Variants in EXOC6B observed in about 807,000 individuals in gnomAD.
EXOC6B encodes SEC15 homolog B.
EXOC6B carries 54 observed loss-of-function variants against 113.5 expected under a neutral mutation model. The ratio of observed to expected loss-of-function variants is 0.48; its 90% CI spans 0.38 to 0.60. The LOEUF is 0.60. Among genes scored for constraint, EXOC6B ranks in the 20% least tolerant of loss-of-function variants. The pLI, the probability that EXOC6B is intolerant of heterozygous loss-of-function variation, is 0.00. For synonymous variants in EXOC6B, 357 were observed against 339.0 expected (o/e 1.05, Z -0.58); for missense variants, 797 against 977.5 (o/e 0.82, Z 2.46).
chr2:72,543,590 C>T (rs1344014639), intron 8 of EXOC6B, among the ~76,000 whole-genome samples: 2 of 152,086 alleles, frequency 1.3e-5, no homozygotes, highest in African/African-American at 4.8e-5. Context: ...TATGTATGCC[C>T]ATGGGTAATA....
intron 1 of EXOC6B, among the ~76,000 whole-genome samples, chr2:72,787,289 G>C (rs1684429750): frequency 6.6e-6 from 1 of 151,758 alleles, no homozygotes; most frequent in Non-Finnish European, 1.5e-5. Flanking sequence ...TCGGCTCACT[G>C]CAACCTCCGC....
intron 8 of EXOC6B, among the ~76,000 whole-genome samples, chr2:72,542,353 G>C (rs1702652676): frequency 6.6e-6 from 1 of 152,124 alleles, no homozygotes; most frequent in Admixed American, 6.6e-5. Context: ...CGAAGAGACT[G>C]AGCTTCTAGT....
chr2:72,236,303 G>A (rs1681955324), intron 20 of EXOC6B, among the ~76,000 whole-genome samples: 2 of 152,286 alleles, frequency 1.3e-5, no homozygotes, highest in Middle Eastern at 3.4e-3. Context: ...TACACAAGAC[G>A]AGATTAAATG....
intron 1 of EXOC6B, among the ~76,000 whole-genome samples, chr2:72,814,423 C>A (rs570263973): frequency 6.6e-6 from 1 of 152,234 alleles, no homozygotes; most frequent in Admixed American, 6.5e-5. Flanking sequence ...TAAATTCATG[C>A]AAGTTCAAAG....
At chr2:72,535,693 A>G (rs1235611368) in intron 8 of EXOC6B, among the ~76,000 whole-genome samples, 4 of 151,820 alleles carry the variant, frequency 2.6e-5, no homozygotes, top group South Asian at 2.1e-4. Flanking sequence ...ACCAACATAG[A>G]GAAACCCCCA....
intron 18 of EXOC6B, among the ~76,000 whole-genome samples, chr2:72,437,278 C>T (rs1265169731): frequency 6.6e-6 from 1 of 152,196 alleles, no homozygotes; most frequent in African/African-American, 2.4e-5. Context: ...AAGCTTTGTC[C>T]CAGAGGGGCA....
chr2:72,667,110 G>A (rs983168993), intron 6 of EXOC6B, among the ~76,000 whole-genome samples: 6 of 152,032 alleles, frequency 3.9e-5, no homozygotes, highest in South Asian at 2.1e-4. Context: ...AGATCCACCC[G>A]CCTTTGTCTC....
intron 20 of EXOC6B, among the ~76,000 whole-genome samples, chr2:72,208,234 T>C (rs530343768): frequency 1.2e-4 from 18 of 151,782 alleles, no homozygotes; most frequent in Non-Finnish European, 2.5e-4. Context: ...CATGTTTCCC[T>C]CCCTCCCTTC....
chr2:72,642,283 C>A (rs1673310004), intron 6 of EXOC6B, among the ~76,000 whole-genome samples: 1 of 144,070 alleles, frequency 6.9e-6, no homozygotes, highest in South Asian at 2.3e-4. Flanking sequence ...CATATGGAAC[C>A]AAAAAAGAGC....
intron 6 of EXOC6B, among the ~76,000 whole-genome samples, chr2:72,596,335 T>A (rs1670077076): frequency 6.6e-6 from 1 of 152,120 alleles, no homozygotes; most frequent in Non-Finnish European, 1.5e-5. Context: ...CCCTGGTGCC[T>A]ACCCAGTAAC....
intron 18 of EXOC6B, among the ~76,000 whole-genome samples, chr2:72,443,194 G>GC (rs1696329285): frequency 2.6e-5 from 4 of 151,636 alleles, no homozygotes; most frequent in Admixed American, 2.6e-4. Context: ...GCGTGGTGGC[G>GC]CACCTGTAGT....
At chr2:72,599,535 G>A (rs1670279482) in intron 6 of EXOC6B, among the ~76,000 whole-genome samples, 1 of 152,014 alleles carries the variant, frequency 6.6e-6, no homozygotes, top group Non-Finnish European at 1.5e-5. Context: ...CATCATATTG[G>A]ATGTCCTAGC....
chr2:72,507,132 T>C (rs1190578915), intron 11 of EXOC6B, among the ~76,000 whole-genome samples: 1 of 152,148 alleles, frequency 6.6e-6, no homozygotes, highest in Non-Finnish European at 1.5e-5. Context: ...TAAAGAGTAA[T>C]TTTAAACAGC....
chr2:72,178,440 T>C lies in EXOC6B; in HGVS notation c.*895A>G, dbSNP rs1258054435. 1 of 152,262 alleles carries C rather than the reference T, an allele frequency of 6.6e-6. No individual in the cohort carries two copies. The highest frequency in any genetic ancestry group is 1.5e-5 in the Non-Finnish European group (1 of 68,054). 9.4% of individuals were successfully genotyped at this position (152,262 alleles called of 1,614,324 possible). On this transcript the variant is annotated 3_prime_UTR_variant, in exon 22 of 22. Coordinates refer to ENST00000272427, the MANE Select transcript of EXOC6B (RefSeq NM_015189.3). ...TTTCAATGGCATTACTGGAGGAGGC[T>C]AAGTCTGAAACGCCCTGTGAAGGCC...
At chr2:72,264,114 G>A (rs759295344) in intron 20 of EXOC6B, among the ~76,000 whole-genome samples, 19 of 152,176 alleles carry the variant, frequency 1.2e-4, no homozygotes, top group Non-Finnish European at 2.2e-4. Context: ...GTCATATACT[G>A]TATGCTCAAC....
chr2:72,352,623 A>G (rs886238909), intron 19 of EXOC6B, among the ~76,000 whole-genome samples: 3 of 152,134 alleles, frequency 2.0e-5, no homozygotes, highest in African/African-American at 7.2e-5. Context: ...GCAGAATCCA[A>G]ATCAGAATCT....
At chr2:72,308,458 A>C (rs1687014823) in intron 20 of EXOC6B, among the ~76,000 whole-genome samples, 2 of 152,238 alleles carry the variant, frequency 1.3e-5, no homozygotes, top group Non-Finnish European at 2.9e-5. Flanking sequence ...GGAATACGTT[A>C]AGCTAAAGTA....
chr2:72,656,304 T>G (rs961007981), intron 6 of EXOC6B, among the ~76,000 whole-genome samples: 7 of 152,234 alleles, frequency 4.6e-5, no homozygotes, highest in Middle Eastern at 3.4e-3. Flanking sequence ...ATGAGAAAAC[T>G]GGATAATCTT....
intron 8 of EXOC6B, among the ~76,000 whole-genome samples, chr2:72,522,805 C>T (rs375452836): frequency 3.3e-5 from 5 of 152,258 alleles, no homozygotes; most frequent in South Asian, 4.1e-4. Context: ...TACATATACA[C>T]GCATATAAAT....
Sources: allele counts gnomAD v4.1 joint callset (sites outside exome capture counted in the v4.1 genomes callset), GRCh38; gene constraint gnomAD v4.1.1; transcripts MANE v1.5; gene names NCBI Gene and HGNC (gene_info 2026-07-23, HGNC 2026-07-21).